Variants in EPHB2 observed in about 807,000 individuals in gnomAD.
The protein encoded by EPHB2 is EPH receptor B2.
A neutral mutation model predicts 96.4 loss-of-function variants in EPHB2; 18 were observed. The observed-to-expected ratio is 0.19, with a 90% CI of 0.13 to 0.28. The LOEUF (loss-of-function observed/expected upper bound fraction) is 0.28, where lower values mean the gene tolerates loss of function less well. Ranked by LOEUF, EPHB2 falls within the 10% of genes least tolerant of loss-of-function variation. EPHB2 has a pLI of 1.00. For missense variants in EPHB2, 989 were observed against 1,355.4 expected (o/e 0.73, Z 4.25); for synonymous variants, 506 against 534.1 (o/e 0.95, Z 0.72).
At chr1:22,726,408 CTTTTT>C (rs1643582205) in intron 1 of EPHB2, among the ~76,000 whole-genome samples, 1 of 150,230 alleles carries the variant, frequency 6.7e-6, no homozygotes, top group East Asian at 2.0e-4. Context: ...ATAATAGTTT[CTTTTT>C]CTTTTTTTTT....
At chr1:22,817,595 C>G (rs1645093204) in intron 3 of EPHB2, among the ~76,000 whole-genome samples, 4 of 152,238 alleles carry the variant, frequency 2.6e-5, no homozygotes, top group Admixed American at 2.6e-4. Context: ...GCCTGAGCTT[C>G]TTGGAGTTTT....
At chr1:22,849,479 G>A (rs1260051130) in intron 3 of EPHB2, among the ~76,000 whole-genome samples, 4 of 152,120 alleles carry the variant, frequency 2.6e-5, no homozygotes, top group Admixed American at 1.3e-4. Context: ...AACCAGAACC[G>A]AGCAGTCTAT....
chr1:22,857,779 T>G (rs1291935498), intron 3 of EPHB2, among the ~76,000 whole-genome samples: 2 of 152,066 alleles, frequency 1.3e-5, no homozygotes, highest in African/African-American at 4.8e-5. Flanking sequence ...CTTATCTGAT[T>G]GTGATGGTAC....
chr1:22,754,080 T>G (rs1644106580), intron 1 of EPHB2, among the ~76,000 whole-genome samples: 1 of 152,082 alleles, frequency 6.6e-6, no homozygotes, highest in African/African-American at 2.4e-5. Flanking sequence ...TGGGCCTGAG[T>G]GTTCTGTGGG....
In EPHB2 at chr1:22,918,657, T is replaced by A. The variant is rs891089001; in HGVS notation, c.*5087T>A. The A allele has an allele frequency of 1.3e-5, 2 of 152,210 alleles. No individual in the cohort carries two copies. Among genetic ancestry groups the A allele is most frequent in the Non-Finnish European group, 2.9e-5 (2 of 68,052 alleles). The allele number at this position is 152,210 out of a possible 1,614,324, so 9.4% of individuals were successfully genotyped here. On this transcript the variant is annotated 3_prime_UTR_variant, in exon 16 of 16. Transcript: ENST00000374630. The surrounding 1 kb of genome is among the most constrained non-coding windows in gnomAD (Gnocchi z 4.2). ...GCCTTCTGCAAAATGGCTTCTGCCATCAAACTTAAGGTGGAGAATGGTCTT... is the reference window on the plus strand; with the variant it reads ...GCCTTCTGCAAAATGGCTTCTGCCAACAAACTTAAGGTGGAGAATGGTCTT...
chr1:22,817,700 A>G (rs1645094229), intron 3 of EPHB2, among the ~76,000 whole-genome samples: 1 of 152,172 alleles, frequency 6.6e-6, no homozygotes, highest in Non-Finnish European at 1.5e-5. Context: ...TAGAGCTCAG[A>G]GCAGGCAGGC....
chr1:22,902,984 G>A (rs1369771422), intron 9 of EPHB2, among the ~76,000 whole-genome samples: 2 of 152,238 alleles, frequency 1.3e-5, no homozygotes, highest in African/African-American at 2.4e-5. Context: ...AAAGCATGGA[G>A]GCAGGAAATA....
At chr1:22,896,298 C>CCTCTGGCAGGGGG in intron 8 of EPHB2, 116 bp from the exon 9 acceptor site, 2 of 1,330,930 alleles carry the variant, frequency 1.5e-6, no homozygotes, top group South Asian at 2.4e-5. Flanking sequence ...GGCAGGGAGC[C>CCTCTGGCAGGGGG]CTCTGGCAGG....
At chr1:22,788,753 G>GTTT (rs66554696) in intron 3 of EPHB2, among the ~76,000 whole-genome samples, 1 of 134,160 alleles carries the variant, frequency 7.5e-6, no homozygotes, top group Non-Finnish European at 1.6e-5. Flanking sequence ...TTTTGTTTTT[G>GTTT]TTTTTTTTTT....
intron 1 of EPHB2, among the ~76,000 whole-genome samples, chr1:22,755,713 G>A (rs1169218247): frequency 1.3e-5 from 2 of 152,182 alleles, no homozygotes; most frequent in Non-Finnish European, 2.9e-5. Context: ...CTAATACGGT[G>A]CCTATGTCAA....
chr1:22,757,398 G>C (rs1178421848), intron 1 of EPHB2, among the ~76,000 whole-genome samples: 3 of 152,186 alleles, frequency 2.0e-5, no homozygotes, highest in African/African-American at 7.2e-5. Flanking sequence ...AATTAGATTA[G>C]ATGGGAAGGA....
chr1:22,775,297 A>ATAGTATATACT, intron 1 of EPHB2: 1 of 777,880 alleles, frequency 1.3e-6, no homozygotes, highest in East Asian at 2.4e-5. Context: ...GGGGTTAATA[A>ATAGTATATACT]TAGTATATAC....
intron 1 of EPHB2, among the ~76,000 whole-genome samples, chr1:22,731,536 T>G (rs974120084): frequency 6.6e-6 from 1 of 152,112 alleles, no homozygotes; most frequent in Admixed American, 6.5e-5. Flanking sequence ...ACATAGTAAG[T>G]TCTCAACAAA....
chr1:22,807,325 T>TG (rs1392012402), intron 3 of EPHB2, among the ~76,000 whole-genome samples: 1 of 151,908 alleles, frequency 6.6e-6, no homozygotes, highest in Non-Finnish European at 1.5e-5. Flanking sequence ...TTAGGGCGCT[T>TG]GCTAGACTCT....
Position 22,913,066 on chromosome 1 carries a change from A to G in EPHB2, c.2853-396A>G, listed in dbSNP as rs1485326361. 1 of 358,098 alleles carries G rather than the reference A, an allele frequency of 2.8e-6. No homozygotes were observed. Among genetic ancestry groups the G allele is most frequent in the Non-Finnish European group, 5.4e-6 (1 of 185,222 alleles). The allele number at this position is 358,098 out of a possible 1,614,324, so 22.2% of individuals were successfully genotyped here. A position where few individuals can be genotyped will look rare whatever the true frequency, so the allele number is the denominator to read the frequency against. The stretch of plus-strand genomic sequence containing the variant: ...AAATTAGCCACGCAAGGTGGCATGC[A>G]CCTGTAATGCCAGCTACTCGGGAGG... On this transcript the variant is annotated intron_variant, in intron 15 of 15. Coordinates refer to ENST00000374630, the MANE Select transcript of EPHB2 (RefSeq NM_017449.5). The surrounding 1 kb of genome is among the most constrained non-coding windows in gnomAD (Gnocchi z 4.1).
At chr1:22,815,174 C>T (rs1461334569) in intron 3 of EPHB2, among the ~76,000 whole-genome samples, 1 of 152,124 alleles carries the variant, frequency 6.6e-6, no homozygotes, top group Non-Finnish European at 1.5e-5. Context: ...CCTCTCTGGC[C>T]CACCACGTGC....
chr1:22,788,667 C>T (rs571168920), intron 3 of EPHB2, among the ~76,000 whole-genome samples: 141 of 152,130 alleles, frequency 9.3e-4, no homozygotes, highest in African/African-American at 3.4e-3. Flanking sequence ...ACTCAAACCT[C>T]TCCCCCAGGT....
intron 1 of EPHB2, among the ~76,000 whole-genome samples, chr1:22,746,423 A>G (rs1000192309): frequency 2.0e-5 from 3 of 152,194 alleles, no homozygotes; most frequent in Non-Finnish European, 2.9e-5. Flanking sequence ...ATTGGTGGTC[A>G]AAAGGAACCA....
chr1:22,724,632 C>T (rs1643542407), intron 1 of EPHB2, among the ~76,000 whole-genome samples: 1 of 152,194 alleles, frequency 6.6e-6, no homozygotes. Flanking sequence ...AAGCCTGTTT[C>T]ACAAAATCTT....
Sources: gnomAD v4.1 joint callset for allele counts (sites outside exome capture counted in the v4.1 genomes callset) on GRCh38, gnomAD v4.1.1 for gene constraint, Gnocchi (gnomAD v3.1) non-coding constraint, MANE v1.5 for transcripts, NCBI Gene and HGNC (gene_info 2026-07-23, HGNC 2026-07-21) for gene names.